Variants in GALNT13 observed in about 807,000 individuals in gnomAD.
The protein encoded by GALNT13 is polypeptide N-acetylgalactosaminyltransferase 13.
A neutral mutation model predicts 64.2 loss-of-function variants in GALNT13; 28 were observed. The ratio of observed to expected loss-of-function variants is 0.44; its 90% CI spans 0.32 to 0.60. The LOEUF is 0.60. GALNT13 is among the 20% of genes least tolerant of loss of function. The probability of loss-of-function intolerance (pLI) is 0.05; values close to 1 mark genes in which losing one functional copy is unlikely to be tolerated. For missense variants in GALNT13, 577 were observed against 669.8 expected, an observed-to-expected ratio of 0.86 and a Z score of 1.53; for synonymous variants, 214 against 224.6, an observed-to-expected ratio of 0.95 and a Z score of 0.42.
At chr2:154,092,744 T>C (rs1701879584) in intron 3 of GALNT13, among the ~76,000 whole-genome samples, 1 of 152,018 alleles carries the variant, frequency 6.6e-6, no homozygotes, top group African/African-American at 2.4e-5. Context: ...CAGTGGTAAC[T>C]GATGTGAGAT....
At chr2:153,656,641 G>A in the GALNT13 span, among the ~76,000 whole-genome samples, 5 of 152,040 alleles carry the variant, frequency 3.3e-5, no homozygotes, top group South Asian at 8.3e-4. Context: ...AGAGCAATAA[G>A]GTTGTGTTAT....
At chr2:154,443,968 A>C (rs1302244203) in intron 12 of GALNT13, among the ~76,000 whole-genome samples, 1 of 152,142 alleles carries the variant, frequency 6.6e-6, no homozygotes, top group Non-Finnish European at 1.5e-5. Flanking sequence ...TTTTTAGTCA[A>C]TATTTTAAAT....
At chr2:153,470,744 G>C in the GALNT13 span, among the ~76,000 whole-genome samples, 1 of 152,068 alleles carries the variant, frequency 6.6e-6, no homozygotes, top group African/African-American at 2.4e-5. Context: ...GTCCATTCTA[G>C]CTTGAACTTT....
chr2:153,664,514 AAGGTCCTGGGGCAACATACATCCTC>A, the GALNT13 span, among the ~76,000 whole-genome samples: 4 of 152,092 alleles, frequency 2.6e-5, no homozygotes, highest in African/African-American at 7.2e-5. Flanking sequence ...CAATCATCAC[AAGGTCCTGGGGCAACATACATCCTC>A]AGCTTATGAA....
the GALNT13 span, among the ~76,000 whole-genome samples, chr2:153,171,823 GTTA>G: frequency 9.9e-5 from 15 of 152,248 alleles, no homozygotes; most frequent in East Asian, 2.7e-3. Flanking sequence ...GCCAAATTGA[GTTA>G]TTTTCTGTTA....
chr2:154,236,262 C>A, intron 4 of GALNT13: 1 of 681,336 alleles, frequency 1.5e-6, no homozygotes, highest in Non-Finnish European at 1.9e-6. Context: ...TTGGCATAAG[C>A]CTAAAGGTTT....
At chr2:153,614,800 A>G in the GALNT13 span, among the ~76,000 whole-genome samples, 1 of 152,078 alleles carries the variant, frequency 6.6e-6, no homozygotes, top group African/African-American at 2.4e-5. Flanking sequence ...AGATGTTTTG[A>G]TATAGGCATG....
At chr2:154,408,211 T>G (rs900003771) in intron 10 of GALNT13, among the ~76,000 whole-genome samples, 1 of 152,084 alleles carries the variant, frequency 6.6e-6, no homozygotes, top group African/African-American at 2.4e-5. Flanking sequence ...TCAGTGAGAT[T>G]AGTATCTTTA....
At chr2:153,546,396 C>G in the GALNT13 span, among the ~76,000 whole-genome samples, 1 of 152,184 alleles carries the variant, frequency 6.6e-6, no homozygotes, top group Non-Finnish European at 1.5e-5. Context: ...TTTGCACTGA[C>G]TGGGCCCTGC....
intron 8 of GALNT13, among the ~76,000 whole-genome samples, chr2:154,278,047 A>G (rs1691747167): frequency 6.6e-6 from 1 of 152,094 alleles, no homozygotes; most frequent in African/African-American, 2.4e-5. Flanking sequence ...CCCTGACCAA[A>G]ATATTTTTTC....
At chr2:153,182,406 T>C in the GALNT13 span, among the ~76,000 whole-genome samples, 1 of 152,238 alleles carries the variant, frequency 6.6e-6, no homozygotes, top group African/African-American at 2.4e-5. Context: ...TAATATAAAT[T>C]TTCACAGATA....
the GALNT13 span, among the ~76,000 whole-genome samples, chr2:153,073,983 T>A: frequency 3.3e-5 from 5 of 152,166 alleles, no homozygotes; most frequent in Non-Finnish European, 5.9e-5. Flanking sequence ...CCTTACTCCC[T>A]ATATTCTTGC....
chr2:154,346,178 A>G (rs941885297), intron 9 of GALNT13, among the ~76,000 whole-genome samples: 1 of 152,018 alleles, frequency 6.6e-6, no homozygotes, highest in East Asian at 1.9e-4. Context: ...TGATATATAT[A>G]TATGTCTTTT....
the GALNT13 span, among the ~76,000 whole-genome samples, chr2:153,685,397 T>C: frequency 6.6e-6 from 1 of 152,122 alleles, no homozygotes. Flanking sequence ...GGTTTTGATT[T>C]GCATTTCTCT....
the GALNT13 span, among the ~76,000 whole-genome samples, chr2:153,765,936 A>G: frequency 0.033 from 5,025 of 152,092 alleles, 110 homozygotes; most frequent in African/African-American, 0.048. Context: ...CCCCTCCTTT[A>G]CCTTCTGCCA....
At chr2:153,630,507 G>T in the GALNT13 span, among the ~76,000 whole-genome samples, 1 of 77,752 alleles carries the variant, frequency 1.3e-5, no homozygotes, top group Admixed American at 1.8e-4. Flanking sequence ...GTGGGGTGGG[G>T]GGAGGGGGGA....
chr2:154,295,348 T>TTTATTTATTTATTTA (rs1553510428), intron 8 of GALNT13, among the ~76,000 whole-genome samples: 5 of 142,222 alleles, frequency 3.5e-5, no homozygotes, highest in Non-Finnish European at 6.1e-5. Context: ...ATTCTTTTTA[T>TTTATTTATTTATTTA]TTTATTTATT....
intron 11 of GALNT13, among the ~76,000 whole-genome samples, chr2:154,418,153 A>G (rs538581678): frequency 1.5e-4 from 23 of 152,192 alleles, no homozygotes; most frequent in Non-Finnish European, 2.9e-4. Flanking sequence ...TGTTATAAAA[A>G]TGTTTAAAGT....
chr2:153,191,373 T>C, the GALNT13 span, among the ~76,000 whole-genome samples: 1 of 152,148 alleles, frequency 6.6e-6, no homozygotes, highest in Non-Finnish European at 1.5e-5. Context: ...TTTTATTAAT[T>C]TGCATATGTA....
Sources: allele counts gnomAD v4.1 joint callset (sites outside exome capture counted in the v4.1 genomes callset), GRCh38; gene constraint gnomAD v4.1.1; transcripts MANE v1.5; gene names NCBI Gene and HGNC (gene_info 2026-07-23, HGNC 2026-07-21).